FAM240B: variants seen among roughly 807,000 people sequenced by gnomAD.
FAM240B encodes the protein family with sequence similarity 240 member B, also known as protein FAM240B.
At chr9:38,719,257 G>A (rs1317625940) in intron 1 of FAM240B, among the ~76,000 whole-genome samples, 1 of 149,682 alleles carries the variant, frequency 6.7e-6, no homozygotes, top group Non-Finnish European at 1.5e-5. Flanking sequence ...CCCACCCCCA[G>A]CAAAAGTAGT....
intron 1 of FAM240B, among the ~76,000 whole-genome samples, chr9:38,718,089 A>G (rs80153137): frequency 0.02 from 2,992 of 152,356 alleles, 99 homozygotes; most frequent in African/African-American, 0.068. Flanking sequence ...GCCTTTTTCA[A>G]CTAAGAAAAT....
At chr9:38,713,094 A>G (rs1038886198) in intron 1 of FAM240B, among the ~76,000 whole-genome samples, 5 of 152,202 alleles carry the variant, frequency 3.3e-5, no homozygotes, top group African/African-American at 4.8e-5. Context: ...CTTGCTGACT[A>G]AATCAAATAG....
At position 38,701,416 on chromosome 9, in the gene FAM240B, G is replaced by A. The variant is rs763807520; in HGVS notation, c.143+2441C>T. Among the ~76,000 whole-genome samples, 145 of 152,230 alleles carry A rather than the reference G, an allele frequency of 9.5e-4. 1 individual carries two copies. The highest frequency in any genetic ancestry group is 2.2e-4 in the Non-Finnish European group (15 of 68,036). Reference sequence around the variant, plus strand: ...AGATTTTTTGTGAAACTTGGTTCATGTGAGTTGTGTATGTGTTTGCTTTGC... The same window carrying A: ...AGATTTTTTGTGAAACTTGGTTCATATGAGTTGTGTATGTGTTTGCTTTGC... On this transcript the variant is annotated intron_variant, in intron 2 of 2. Transcript: ENST00000637493.
intron 2 of FAM240B, among the ~76,000 whole-genome samples, chr9:38,698,540 A>G (rs925667466): frequency 2.6e-4 from 40 of 152,234 alleles, no homozygotes; most frequent in African/African-American, 9.6e-4. Context: ...ATATGTATGT[A>G]TATACACAAT....
chr9:38,705,720 AG>A (rs1240295824), intron 1 of FAM240B, among the ~76,000 whole-genome samples: 1 of 152,166 alleles, frequency 6.6e-6, no homozygotes, highest in East Asian at 1.9e-4. Flanking sequence ...CTCTCATCAG[AG>A]GGGCAGCAGG....
chr9:38,698,953 T>A (rs867522042), intron 2 of FAM240B, among the ~76,000 whole-genome samples: 1 of 152,206 alleles, frequency 6.6e-6, no homozygotes, highest in Non-Finnish European at 1.5e-5. Context: ...AAAATTTATA[T>A]GTAGGGCTTT....
chr9:38,713,481 CAAAAAAAAAA>C (rs77404875), intron 1 of FAM240B, among the ~76,000 whole-genome samples: 43 of 83,600 alleles, frequency 5.1e-4, no homozygotes, highest in South Asian at 1.8e-3. Context: ...CCGTTTCAAA[CAAAAAAAAAA>C]AAAAAAAAAA....
intron 1 of FAM240B, 102 bp from the exon 2 acceptor site, chr9:38,704,104 C>CTTT: frequency 8.7e-6 from 3 of 346,784 alleles, no homozygotes; most frequent in Non-Finnish European, 1.5e-5. Context: ...GCCATTTACA[C>CTTT]TTGTTTTTTT....
intron 2 of FAM240B, among the ~76,000 whole-genome samples, chr9:38,698,118 T>C (rs1821087389): frequency 6.6e-6 from 1 of 152,220 alleles, no homozygotes; most frequent in Non-Finnish European, 1.5e-5. Flanking sequence ...TACTGACTGG[T>C]TCCTTTTATG....
At chr9:38,702,473 A>G (rs1468169486) in intron 2 of FAM240B, among the ~76,000 whole-genome samples, 1 of 152,186 alleles carries the variant, frequency 6.6e-6, no homozygotes, top group East Asian at 1.9e-4. Flanking sequence ...TCCACCTGTG[A>G]GCAGACGTCC....
chr9:38,709,589 G>A (rs1019868170), intron 1 of FAM240B, among the ~76,000 whole-genome samples: 1 of 152,180 alleles, frequency 6.6e-6, no homozygotes, highest in African/African-American at 2.4e-5. Flanking sequence ...GTGGAAAGGC[G>A]CTGCTTTCTC....
At position 38,696,598 on chromosome 9, in the gene FAM240B, A is replaced by G. The variant is rs1821071633; in HGVS notation, c.144-1729T>C. On this transcript the variant is annotated intron_variant, in intron 2 of 2. Coordinates refer to ENST00000637493, the MANE Select transcript of FAM240B (RefSeq NM_001394922.1). ...GCCAAGGCGGGCAGATCACCAGGTC[A>G]GAAGATCGAGACCATCCTGGCTAAC... Among the ~76,000 whole-genome samples the G allele has an allele frequency of 2.0e-5, 3 of 152,214 alleles. No homozygotes were observed. The South Asian group carries it at 6.2e-4, about 32-fold the overall frequency.
At chr9:38,702,365 C>T (rs1365392446) in intron 2 of FAM240B, among the ~76,000 whole-genome samples, 1 of 152,230 alleles carries the variant, frequency 6.6e-6, no homozygotes, top group Non-Finnish European at 1.5e-5. Flanking sequence ...TTGAGTTTTA[C>T]TCATGTGAAT....
At chr9:38,717,167 G>T (rs567095902) in intron 1 of FAM240B, among the ~76,000 whole-genome samples, 1 of 152,168 alleles carries the variant, frequency 6.6e-6, no homozygotes. Flanking sequence ...CCTCTCTTAG[G>T]CTGCTTCTCC....
intron 1 of FAM240B, among the ~76,000 whole-genome samples, chr9:38,717,886 A>G (rs947253888): frequency 7.2e-5 from 11 of 152,306 alleles, no homozygotes; most frequent in African/African-American, 2.6e-4. Context: ...TTCAAAAAGC[A>G]CTGAAGGATA....
intron 2 of FAM240B, among the ~76,000 whole-genome samples, chr9:38,699,488 C>T (rs1821100018): frequency 6.6e-6 from 1 of 152,116 alleles, no homozygotes; most frequent in Non-Finnish European, 1.5e-5. Flanking sequence ...GGGGAAGTAA[C>T]GATTGAGTAG....
At chr9:38,710,523 T>A (rs1418505602) in intron 1 of FAM240B, among the ~76,000 whole-genome samples, 1 of 152,228 alleles carries the variant, frequency 6.6e-6, no homozygotes, top group African/African-American at 2.4e-5. Context: ...GCATTTATCT[T>A]TTTGTTTCCC....
intron 1 of FAM240B, among the ~76,000 whole-genome samples, chr9:38,717,937 A>G (rs184482702): frequency 6.6e-6 from 1 of 152,368 alleles, no homozygotes; most frequent in East Asian, 1.9e-4. Context: ...TACTGCAGTC[A>G]GCAACACTTC....
chr9:38,712,756 T>A (rs1160251050), intron 1 of FAM240B, among the ~76,000 whole-genome samples: 2 of 152,164 alleles, frequency 1.3e-5, no homozygotes, highest in African/African-American at 4.8e-5. Context: ...GGGAAATAAA[T>A]CTTATTATTT....
Sources: allele counts gnomAD v4.1 joint callset (sites outside exome capture counted in the v4.1 genomes callset), GRCh38; gene constraint gnomAD v4.1.1; transcripts MANE v1.5; gene names NCBI Gene and HGNC (gene_info 2026-07-23, HGNC 2026-07-21).